Variants in PNPLA1 observed in about 807,000 individuals in gnomAD.
PNPLA1 encodes omega-hydroxyceramide transacylase.
In PNPLA1, 36 loss-of-function variants were observed where a neutral mutation model predicts 51.7. That is an observed-to-expected ratio of 0.70 (90% confidence interval 0.53 to 0.92). PNPLA1 has a LOEUF of 0.92. Ranked by LOEUF, PNPLA1 falls within the 40% of genes least tolerant of loss-of-function variation. PNPLA1 has a pLI of 0.00. For synonymous variants in PNPLA1, 293 were observed against 280.1 expected, an observed-to-expected ratio of 1.05 and a Z score of -0.46; for missense variants, 658 against 682.5, an observed-to-expected ratio of 0.96 and a Z score of 0.40.
chr6:36,249,732 G>A (rs913017521), intron 1 of PNPLA1, among the ~76,000 whole-genome samples: 2 of 152,198 alleles, frequency 1.3e-5, no homozygotes, highest in Admixed American at 6.5e-5. Flanking sequence ...GACCATGAGA[G>A]TTTACATCCC....
At position 36,295,441 on chromosome 6, in the gene PNPLA1, C is replaced by G. The variant is rs978721186; in HGVS notation, c.775+17C>G. 1.2e-6 allele frequency: 2 copies of G among 1,613,682 alleles called. No individual in the cohort carries two copies. Among genetic ancestry groups the G allele is most frequent in the East Asian group, 4.5e-5 (2 of 44,862 alleles). On this transcript the variant is annotated intron_variant, in intron 5 of 8. Transcript: ENST00000636260. ...GGCGGCTGAGTAAGTACCGGTGGGG[C>G]CCCAGGTAAGGGCAGTGTTGGAGGG...
intron 6 of PNPLA1, among the ~76,000 whole-genome samples, chr6:36,303,373 G>T (rs1360070618): frequency 6.6e-6 from 1 of 152,306 alleles, no homozygotes; most frequent in Admixed American, 6.5e-5. Flanking sequence ...GACTACAGGC[G>T]TGAGCCACCG....
chr6:36,294,145 G>A lies in PNPLA1; in HGVS notation c.505-45G>A, dbSNP rs1770777684. The A allele has an allele frequency of 5.6e-6, 9 of 1,605,888 alleles. 1 individual carries two copies. In the South Asian group the frequency reaches 8.8e-5, roughly 16 times the overall value. ...ATTTCGATGTACCCCGAGTGGGGCTGAGAACTCTGGCCCCAAGTGGGCATT... is the reference window on the plus strand; with the variant it reads ...ATTTCGATGTACCCCGAGTGGGGCTAAGAACTCTGGCCCCAAGTGGGCATT... On this transcript the variant is annotated intron_variant, in intron 3 of 8. Coordinates refer to ENST00000636260, the MANE Select transcript of PNPLA1 (RefSeq NM_001374623.1). The surrounding 1 kb of genome is among the most constrained non-coding windows in gnomAD (Gnocchi z 4.2).
chr6:36,277,165 G>A (rs1319853940), intron 1 of PNPLA1, among the ~76,000 whole-genome samples: 1 of 152,202 alleles, frequency 6.6e-6, no homozygotes, highest in African/African-American at 2.4e-5. Flanking sequence ...TCCAGAGCAT[G>A]GTAAACAGTG....
At chr6:36,246,174 G>A (rs1403822534) in intron 1 of PNPLA1, among the ~76,000 whole-genome samples, 5 of 152,090 alleles carry the variant, frequency 3.3e-5, no homozygotes, top group Non-Finnish European at 1.5e-5. Context: ...TGAGTAGCAG[G>A]GAGCAGAGCC....
chr6:36,257,330 C>G (rs1331662669), intron 1 of PNPLA1, among the ~76,000 whole-genome samples: 1 of 152,114 alleles, frequency 6.6e-6, no homozygotes, highest in Non-Finnish European at 1.5e-5. Flanking sequence ...TATTTTTCTC[C>G]CAGTACAAGA....
chr6:36,266,814 C>T (rs942412525), upstream of PNPLA1, among the ~76,000 whole-genome samples: 1 of 152,198 alleles, frequency 6.6e-6, no homozygotes, highest in Admixed American at 6.5e-5. Flanking sequence ...CAGGTGACAT[C>T]GTTTTGGCAA....
intron 5 of PNPLA1, among the ~76,000 whole-genome samples, chr6:36,298,501 C>A (rs1770928011): frequency 6.6e-6 from 1 of 152,152 alleles, no homozygotes; most frequent in South Asian, 2.1e-4. Flanking sequence ...TGCAGCAGAT[C>A]TCTAGAACTT....
intron 1 of PNPLA1, among the ~76,000 whole-genome samples, chr6:36,256,327 A>T (rs77770444): frequency 7.2e-6 from 1 of 138,210 alleles, no homozygotes; most frequent in Non-Finnish European, 1.5e-5. Context: ...CCTGTCTTAG[A>T]AAAAAAAAAA....
rs748204214 is a variant in PNPLA1 at position 36,302,236 on chromosome 6, C to T, written c.1151C>T (p.Thr384Ile). The T allele has an allele frequency of 2.5e-6, 4 of 1,614,222 alleles. No individual in the cohort carries two copies. Among genetic ancestry groups the T allele is most frequent in the Non-Finnish European group, 3.4e-6 (4 of 1,180,044 alleles). Residue 384 changes from threonine to isoleucine, a missense_variant, in exon 6 of 9, where the codon ACA (threonine) becomes ATA (isoleucine). Coordinates refer to ENST00000636260, the MANE Select transcript of PNPLA1 (RefSeq NM_001374623.1). The stretch of plus-strand genomic sequence containing the variant: ...GCTGTGCACAAGCCACCCAGCTCCA[C>T]ACCTGGTTCATCACTGCCCACCCCA... ...FPAVHKPPSS[T>I]PGSSLPTPPP...
intron 1 of PNPLA1, among the ~76,000 whole-genome samples, chr6:36,274,462 A>C (rs1199836160): frequency 1.3e-5 from 2 of 152,204 alleles, no homozygotes; most frequent in Non-Finnish European, 2.9e-5. Context: ...TCTCATCGTT[A>C]GTTAGAAGCC....
intron 5 of PNPLA1, among the ~76,000 whole-genome samples, chr6:36,299,810 A>G (rs1284327116): frequency 1.3e-5 from 2 of 150,802 alleles, no homozygotes; most frequent in Non-Finnish European, 3.0e-5. Context: ...CATTCGTTCC[A>G]CTCTTTTGTA....
chr6:36,256,039 G>T (rs1769525711), intron 1 of PNPLA1, among the ~76,000 whole-genome samples: 1 of 152,136 alleles, frequency 6.6e-6, no homozygotes, highest in African/African-American at 2.4e-5. Flanking sequence ...CCAGTCACCA[G>T]TTGTTTGTGT....
upstream of PNPLA1, among the ~76,000 whole-genome samples, chr6:36,269,719 G>A (rs1769851200): frequency 6.6e-6 from 1 of 152,088 alleles, no homozygotes; most frequent in Middle Eastern, 3.2e-3. Flanking sequence ...GGGTGGGGCC[G>A]CCAAAGTCAC....
intron 1 of PNPLA1, 34 bp from the exon 2 acceptor site, chr6:36,291,286 A>G: frequency 6.3e-7 from 1 of 1,579,980 alleles, no homozygotes; most frequent in Non-Finnish European, 8.7e-7. Context: ...ACTGGGTGGC[A>G]CCGACCACCC....
At chr6:36,249,135 T>C (rs1024643533) in intron 1 of PNPLA1, among the ~76,000 whole-genome samples, 1 of 152,168 alleles carries the variant, frequency 6.6e-6, no homozygotes, top group Non-Finnish European at 1.5e-5. Flanking sequence ...CCTAGAGACT[T>C]CCCAAGGCTT....
At chr6:36,255,955 C>T (rs1224129113) in intron 1 of PNPLA1, among the ~76,000 whole-genome samples, 1 of 152,104 alleles carries the variant, frequency 6.6e-6, no homozygotes, top group African/African-American at 2.4e-5. Context: ...GTTCACATAC[C>T]ACACTTTGAG....
At chr6:36,257,149 G>A (rs1769550199) in intron 1 of PNPLA1, among the ~76,000 whole-genome samples, 1 of 152,142 alleles carries the variant, frequency 6.6e-6, no homozygotes, top group Non-Finnish European at 1.5e-5. Context: ...AAGCTTCTGG[G>A]TGGAGAACTT....
rs1770784899 is a variant in PNPLA1, at chr6:36,294,286, C to T, written c.601C>T (p.Pro201Ser). 6.2e-7 allele frequency: 1 copy of T among 1,614,184 alleles called. No homozygotes were observed. The highest frequency in any genetic ancestry group is 8.5e-7 in the Non-Finnish European group (1 of 1,180,038). The change falls in exon 4 of 9, where the codon CCC (proline) becomes TCC (serine). Residue 201 changes from proline (P) to serine (S), a missense_variant. Coordinates refer to ENST00000636260, the MANE Select transcript of PNPLA1 (RefSeq NM_001374623.1). This position sits in a 1 kb window ranked among gnomAD's most constrained non-coding sequence, Gnocchi z 4.2. ...CTTCAGTGGGCAGCAGGACATCTGT[C>T]CCCGGGACTGCCCGGCCATCTTCCA... ...STFSGQQDICPRDCPAIFHDF... is the reference protein window; with the variant it reads ...STFSGQQDICSRDCPAIFHDF...
Sources: gnomAD v4.1 joint callset for allele counts (sites outside exome capture counted in the v4.1 genomes callset) on GRCh38, gnomAD v4.1.1 for gene constraint, Gnocchi (gnomAD v3.1) non-coding constraint, MANE v1.5 for transcripts, NCBI Gene and HGNC (gene_info 2026-07-23, HGNC 2026-07-21) for gene names.